The following KIF1B variants were observed in gnomAD, a reference collection of about 807,000 sequenced individuals.
The protein encoded by KIF1B is kinesin family member 1B.
In KIF1B, 76 loss-of-function variants were observed where a neutral mutation model predicts 241.9. The ratio of observed to expected loss-of-function variants is 0.31; its 90% CI spans 0.26 to 0.38. KIF1B has a LOEUF of 0.38. KIF1B is among the 10% of genes least tolerant of loss of function. KIF1B has a pLI of 1.00. For missense variants in KIF1B, 1,622 were observed against 2,271.4 expected, an observed-to-expected ratio of 0.71 and a Z score of 5.81; for synonymous variants, 750 against 796.7, an observed-to-expected ratio of 0.94 and a Z score of 0.99.
intron 2 of KIF1B, among the ~76,000 whole-genome samples, chr1:10,253,406 T>A (rs1035114612): frequency 6.6e-6 from 1 of 152,166 alleles, no homozygotes. Flanking sequence ...TTTGGGAAGC[T>A]GAGGCATGAG....
intron 1 of KIF1B, 52 bp from the exon 2 acceptor site, chr1:10,232,198 A>T: frequency 1.5e-6 from 1 of 671,290 alleles, no homozygotes; most frequent in Non-Finnish European, 2.7e-6. Context: ...TAAGTTAGCC[A>T]GTTCTTGCTT....
chr1:10,239,870 A>G (rs1647110678), intron 2 of KIF1B, among the ~76,000 whole-genome samples: 1 of 152,038 alleles, frequency 6.6e-6, no homozygotes, highest in Non-Finnish European at 1.5e-5. Flanking sequence ...GGTTCATGCC[A>G]TTCTCCTGCC....
intron 17 of KIF1B, among the ~76,000 whole-genome samples, chr1:10,292,890 T>G (rs949297689): frequency 3.9e-5 from 6 of 152,226 alleles, no homozygotes; most frequent in Non-Finnish European, 5.9e-5. Flanking sequence ...ACTAGTAAAT[T>G]GTCCTTTATT....
chr1:10,296,961 T>A lies in KIF1B; in HGVS notation c.1926T>A (p.Ala642=). ...FRFNHPEQAR[A]EREKTPSAET... ...TTAACCACCCGGAACAAGCACGAGC[T>A]GAGCGAGAGAAGACTCCTTCTGCTG... Residue 642 remains alanine, a synonymous_variant, in exon 21 of 49, where the codon GCT becomes GCA. Coordinates refer to ENST00000676179, the MANE Select transcript of KIF1B (RefSeq NM_001365951.3). 1.2e-6 allele frequency: 2 copies of A among 1,614,086 alleles called. No homozygotes were observed. Among genetic ancestry groups the A allele is most frequent in the Non-Finnish European group, 1.7e-6 (2 of 1,179,976 alleles).
At chr1:10,330,800 A>C (rs1355968637) in intron 27 of KIF1B, among the ~76,000 whole-genome samples, 1 of 152,258 alleles carries the variant, frequency 6.6e-6, no homozygotes, top group Non-Finnish European at 1.5e-5. Flanking sequence ...TCCTGCCCTC[A>C]TAGACTTATA....
At chr1:10,241,431 C>T (rs1362574478) in intron 2 of KIF1B, among the ~76,000 whole-genome samples, 2 of 152,142 alleles carry the variant, frequency 1.3e-5, no homozygotes, top group Non-Finnish European at 2.9e-5. Context: ...TCTAAATTTT[C>T]AGTGGGAATA....
intron 22 of KIF1B, among the ~76,000 whole-genome samples, chr1:10,297,703 T>C (rs1650339024): frequency 6.6e-6 from 1 of 152,122 alleles, no homozygotes; most frequent in African/African-American, 2.4e-5. Flanking sequence ...GGGCAGACTT[T>C]TTTTTTTTAA....
chr1:10,215,152 ATATATATATATATATATATATTTTT>A (rs1425085204), intron 1 of KIF1B, among the ~76,000 whole-genome samples: 27 of 61,008 alleles, frequency 4.4e-4, no homozygotes, highest in African/African-American at 2.8e-3. Context: ...ATATATATAT[ATATATATATATATATATATATTTTT>A]TTTTTTTTTT....
intron 10 of KIF1B, among the ~76,000 whole-genome samples, chr1:10,274,232 C>T (rs1174925954): frequency 2.6e-5 from 4 of 152,200 alleles, no homozygotes; most frequent in East Asian, 1.9e-4. Flanking sequence ...GCCACTGTGC[C>T]CGGCCTCCCC....
intron 22 of KIF1B, among the ~76,000 whole-genome samples, chr1:10,314,908 T>C (rs1651234238): frequency 6.6e-6 from 1 of 151,552 alleles, no homozygotes; most frequent in Non-Finnish European, 1.5e-5. Flanking sequence ...CAAGATAAAG[T>C]ATTAACATTT....
chr1:10,231,457 G>A (rs1339568442), intron 1 of KIF1B, among the ~76,000 whole-genome samples: 2 of 146,446 alleles, frequency 1.4e-5, no homozygotes, highest in Admixed American at 1.4e-4. Flanking sequence ...GGGATCTCAG[G>A]TTCATTGCAG....
chr1:10,359,135 T>A (rs1484937637), intron 38 of KIF1B, among the ~76,000 whole-genome samples: 2 of 143,586 alleles, frequency 1.4e-5, no homozygotes, highest in Non-Finnish European at 3.1e-5. Context: ...TTCAGAAATG[T>A]GTTCTCTCTG....
At chr1:10,360,016 G>C (rs1241642393) in intron 38 of KIF1B, among the ~76,000 whole-genome samples, 1 of 151,932 alleles carries the variant, frequency 6.6e-6, no homozygotes. Flanking sequence ...CTGGGTGACA[G>C]AGTGAAACTC....
chr1:10,242,840 T>C (rs1249720223), intron 2 of KIF1B, among the ~76,000 whole-genome samples: 1 of 152,076 alleles, frequency 6.6e-6, no homozygotes, highest in Admixed American at 6.6e-5. Flanking sequence ...ATGGGACCAC[T>C]CATATATGTG....
intron 10 of KIF1B, among the ~76,000 whole-genome samples, chr1:10,274,141 T>C (rs976551006): frequency 6.6e-6 from 1 of 152,010 alleles, no homozygotes; most frequent in African/African-American, 2.4e-5. Flanking sequence ...TTTCATCACG[T>C]TGGCCAGGCT....
At chr1:10,213,467 A>G (rs1277802425) in intron 1 of KIF1B, among the ~76,000 whole-genome samples, 1 of 152,118 alleles carries the variant, frequency 6.6e-6, no homozygotes, top group African/African-American at 2.4e-5. Context: ...AGTCTTTCTT[A>G]AGGCCAAAGC....
rs1638920213 is a variant in KIF1B at position 10,377,525 on chromosome 1, T to G, written c.*938T>G. The G allele has an allele frequency of 4.4e-6, 1 of 226,798 alleles. No homozygotes were observed. The highest frequency in any genetic ancestry group is 2.2e-5 in the African/African-American group (1 of 44,964). 14.0% of individuals were successfully genotyped at this position (226,798 alleles called of 1,614,324 possible). On this transcript the variant is annotated 3_prime_UTR_variant, in exon 49 of 49. Coordinates refer to ENST00000676179, the MANE Select transcript of KIF1B (RefSeq NM_001365951.3). ...TCTAGGAGTGTCTCAGTTCTGCTTT[T>G]GGCATTAGTGATGGTGGTGGTACAG...
chr1:10,366,515 G>A (rs893487539), intron 43 of KIF1B, among the ~76,000 whole-genome samples: 2 of 151,992 alleles, frequency 1.3e-5, no homozygotes, highest in Non-Finnish European at 2.9e-5. Flanking sequence ...GGTGTCCTGC[G>A]TGATCAGGAG....
At chr1:10,329,068 A>T (rs1366909536) in intron 27 of KIF1B, among the ~76,000 whole-genome samples, 2 of 152,216 alleles carry the variant, frequency 1.3e-5, no homozygotes, top group African/African-American at 4.8e-5. Flanking sequence ...TCTTTCTTTT[A>T]ATCATGTCAG....
Sources: gnomAD v4.1 joint callset for allele counts (sites outside exome capture counted in the v4.1 genomes callset) on GRCh38, gnomAD v4.1.1 for gene constraint, MANE v1.5 for transcripts, NCBI Gene and HGNC (gene_info 2026-07-23, HGNC 2026-07-21) for gene names.